Variants in SYT1 observed in about 807,000 individuals in gnomAD.
The protein encoded by SYT1 is synaptotagmin 1, also known as synaptotagmin-1.
Under a neutral mutation model 44.8 loss-of-function variants are expected in SYT1, and 8 were observed. That is an observed-to-expected ratio of 0.18 (90% confidence interval 0.10 to 0.32). SYT1 has a LOEUF of 0.32. SYT1 is among the 10% of genes least tolerant of loss of function. The probability of loss-of-function intolerance (pLI) is 1.00; values close to 1 mark genes in which losing one functional copy is unlikely to be tolerated. For missense variants in SYT1, 286 were observed against 509.3 expected, an observed-to-expected ratio of 0.56 and a Z score of 4.22; for synonymous variants, 154 against 188.8, an observed-to-expected ratio of 0.82 and a Z score of 1.51.
At chr12:79,237,046 G>T (rs1876231993) in intron 4 of SYT1, among the ~76,000 whole-genome samples, 1 of 152,172 alleles carries the variant, frequency 6.6e-6, no homozygotes, top group African/African-American at 2.4e-5. Flanking sequence ...TGTGACGGGG[G>T]AACCTGGAAG....
chr12:78,910,914 C>A (rs1198340441), intron 1 of SYT1, among the ~76,000 whole-genome samples: 2 of 151,866 alleles, frequency 1.3e-5, no homozygotes, highest in African/African-American at 4.8e-5. Flanking sequence ...AATGAAAAGT[C>A]CCCTGTATGT....
intron 3 of SYT1, among the ~76,000 whole-genome samples, chr12:79,078,782 G>A (rs149346699): frequency 6.6e-6 from 1 of 152,186 alleles, no homozygotes; most frequent in East Asian, 1.9e-4. Flanking sequence ...GAATACATCA[G>A]TTTGTGTATA....
At chr12:79,119,140 C>T (rs1879455941) in intron 3 of SYT1, among the ~76,000 whole-genome samples, 2 of 152,082 alleles carry the variant, frequency 1.3e-5, no homozygotes, top group South Asian at 4.2e-4. Context: ...AGAATCTGTG[C>T]CTGTCCTCTC....
chr12:79,007,227 A>G (rs1008865358), intron 2 of SYT1, among the ~76,000 whole-genome samples: 2 of 152,106 alleles, frequency 1.3e-5, no homozygotes, highest in Non-Finnish European at 2.9e-5. Flanking sequence ...AAATTCATCC[A>G]TAATTCAAGA....
chr12:79,388,766 T>C (rs1226598988), intron 9 of SYT1, among the ~76,000 whole-genome samples: 1 of 152,142 alleles, frequency 6.6e-6, no homozygotes, highest in East Asian at 1.9e-4. Context: ...GGGATTTCCA[T>C]GTTCTACTCA....
intron 3 of SYT1, among the ~76,000 whole-genome samples, chr12:79,076,215 C>T (rs1484372880): frequency 1.3e-5 from 2 of 151,950 alleles, no homozygotes; most frequent in Admixed American, 1.3e-4. Context: ...CCTCTGTGTC[C>T]CTGTTCCTTC....
At chr12:79,234,131 G>A (rs1876036252) in intron 4 of SYT1, among the ~76,000 whole-genome samples, 1 of 152,044 alleles carries the variant, frequency 6.6e-6, no homozygotes, top group Non-Finnish European at 1.5e-5. Context: ...ATTGCCTACA[G>A]GTGGGTACTC....
At chr12:78,927,561 G>C (rs1450263565) in intron 1 of SYT1, among the ~76,000 whole-genome samples, 1 of 152,020 alleles carries the variant, frequency 6.6e-6, no homozygotes, top group Non-Finnish European at 1.5e-5. Context: ...TAAGTGTCTT[G>C]AGTTTGTTTT....
chr12:79,003,418 C>T (rs1445784278), intron 2 of SYT1, among the ~76,000 whole-genome samples: 1 of 151,892 alleles, frequency 6.6e-6, no homozygotes, highest in Non-Finnish European at 1.5e-5. Context: ...TCAACATTAG[C>T]AATATTGCAA....
intron 1 of SYT1, among the ~76,000 whole-genome samples, chr12:78,923,870 A>G (rs1877150020): frequency 6.6e-6 from 1 of 151,896 alleles, no homozygotes; most frequent in Admixed American, 6.6e-5. Context: ...TAATACTATT[A>G]TCTAATCTAC....
At chr12:79,363,746 A>G (rs1883421415) in intron 9 of SYT1, among the ~76,000 whole-genome samples, 2 of 152,028 alleles carry the variant, frequency 1.3e-5, no homozygotes. Flanking sequence ...AAAAAAAAAA[A>G]AAATTGTACT....
At chr12:79,285,755 T>A (rs774294194) in intron 4 of SYT1, 32 bp from the exon 5 acceptor site, 2 of 1,514,392 alleles carry the variant, frequency 1.3e-6, no homozygotes, top group South Asian at 1.2e-5. Context: ...CTAAGTGTTG[T>A]ATGACTAGTG....
chr12:78,915,845 C>G (rs1280157054), intron 1 of SYT1, among the ~76,000 whole-genome samples: 1 of 151,908 alleles, frequency 6.6e-6, no homozygotes, highest in South Asian at 2.1e-4. Flanking sequence ...AACCACTATG[C>G]TTGAGACCAT....
chr12:79,358,226 G>C (rs1054053161), intron 9 of SYT1, among the ~76,000 whole-genome samples: 1 of 152,094 alleles, frequency 6.6e-6, no homozygotes, highest in Non-Finnish European at 1.5e-5. Context: ...TCTATTTAAG[G>C]ACATGGCCGT....
chr12:79,185,876 C>CTTCAACATT (rs11281772), intron 3 of SYT1, among the ~76,000 whole-genome samples: 104,722 of 151,010 alleles, frequency 0.69, 36,663 homozygotes, highest in African/African-American at 0.74. Context: ...TTTTTTAAAT[C>CTTCAACATT]TTCAACATTT....
intron 4 of SYT1, among the ~76,000 whole-genome samples, chr12:79,234,606 A>G (rs893682701): frequency 1.3e-5 from 2 of 152,146 alleles, no homozygotes; most frequent in Non-Finnish European, 2.9e-5. Context: ...ATTGCTGAGT[A>G]GCATTTCATT....
chr12:79,362,983 T>C (rs1041540852), intron 9 of SYT1, among the ~76,000 whole-genome samples: 1 of 152,216 alleles, frequency 6.6e-6, no homozygotes, highest in Non-Finnish European at 1.5e-5. Context: ...TCTAAACCTT[T>C]GTGTTGTCTT....
At chr12:78,984,833 G>A (rs1010704190) in intron 2 of SYT1, among the ~76,000 whole-genome samples, 4 of 151,690 alleles carry the variant, frequency 2.6e-5, no homozygotes, top group Non-Finnish European at 4.4e-5. Flanking sequence ...TCCTGGGTAC[G>A]GTCACTTCGT....
intron 3 of SYT1, among the ~76,000 whole-genome samples, chr12:79,092,902 G>A (rs1162021054): frequency 6.6e-6 from 1 of 151,652 alleles, no homozygotes; most frequent in Non-Finnish European, 1.5e-5. Context: ...TCATTGACAA[G>A]GAAATGTGTT....
Sources: gnomAD v4.1 joint callset for allele counts (sites outside exome capture counted in the v4.1 genomes callset) on GRCh38, gnomAD v4.1.1 for gene constraint, MANE v1.5 for transcripts, NCBI Gene and HGNC (gene_info 2026-07-23, HGNC 2026-07-21) for gene names.